RELCH: variants seen among roughly 807,000 people sequenced by gnomAD.
RELCH encodes RAB11-binding protein RELCH.
A neutral mutation model predicts 150.3 loss-of-function variants in RELCH; 41 were observed. That is an observed-to-expected ratio of 0.27 (90% CI 0.21 to 0.35). The LOEUF (loss-of-function observed/expected upper bound fraction) is 0.35. Ranked by LOEUF, RELCH falls within the 10% of genes least tolerant of loss-of-function variation. The pLI, the probability that RELCH is intolerant of heterozygous loss-of-function variation, is 1.00. For synonymous variants in RELCH, 478 were observed against 531.8 expected, an observed-to-expected ratio of 0.90 and a Z score of 1.39; for missense variants, 1,092 against 1,467.8, an observed-to-expected ratio of 0.74 and a Z score of 4.18.
At chr18:62,204,696 A>G (rs2039672772) in intron 1 of RELCH, among the ~76,000 whole-genome samples, 1 of 152,182 alleles carries the variant, frequency 6.6e-6, no homozygotes, top group African/African-American at 2.4e-5. Flanking sequence ...GGTTTATTCC[A>G]GTTTAGCATT....
intron 10 of RELCH, among the ~76,000 whole-genome samples, chr18:62,233,274 G>T (rs937148635): frequency 6.6e-6 from 1 of 151,584 alleles, no homozygotes; most frequent in Non-Finnish European, 1.5e-5. Context: ...ATTTTATAAA[G>T]AATAAATGAA....
chr18:62,234,108 C>T (rs1006947120), intron 10 of RELCH, among the ~76,000 whole-genome samples: 1 of 151,774 alleles, frequency 6.6e-6, no homozygotes, highest in Non-Finnish European at 1.5e-5. Flanking sequence ...TGTATTTCCT[C>T]AAAATTAAAT....
At chr18:62,236,204 G>A (rs2041871239) in intron 10 of RELCH, among the ~76,000 whole-genome samples, 1 of 151,934 alleles carries the variant, frequency 6.6e-6, no homozygotes, top group Non-Finnish European at 1.5e-5. Context: ...CATCTGTTGA[G>A]ATGATAATGC....
At chr18:62,268,084 G>A (rs1373244426) in intron 19 of RELCH, among the ~76,000 whole-genome samples, 1 of 151,874 alleles carries the variant, frequency 6.6e-6, no homozygotes, top group African/African-American at 2.4e-5. Context: ...AGTACCCTCA[G>A]AAAATAATTT....
chr18:62,227,268 TG>T lies in RELCH; in HGVS notation c.859-20del, dbSNP rs1241980805. ...ATAAAATTTCCTCGAAGATTTTTTA[TG>T]TTTTTTTTTTATCTTTTAGGATTTT... On this transcript the variant is annotated intron_variant, in intron 5 of 28. Transcript: ENST00000644646. The T allele has an allele frequency of 4.2e-6, 6 of 1,438,656 alleles. No homozygotes were observed. Among genetic ancestry groups the T allele is most frequent in the South Asian group, 2.5e-5 (2 of 80,372 alleles). 89.1% of individuals were successfully genotyped at this position (1,438,656 alleles called of 1,614,324 possible).
At chr18:62,279,723 T>C in intron 22 of RELCH, 51 bp from the exon 23 acceptor site, 1 of 1,246,626 alleles carries the variant, frequency 8.0e-7, no homozygotes. Flanking sequence ...GCGCACTGTG[T>C]TTGCTCTTTC....
At chr18:62,271,991 A>G (rs1041115704) in intron 20 of RELCH, among the ~76,000 whole-genome samples, 4 of 152,136 alleles carry the variant, frequency 2.6e-5, no homozygotes, top group African/African-American at 9.7e-5. Flanking sequence ...TTCAAGACAA[A>G]TTTGAATCAT....
In RELCH at chr18:62,309,252, A is replaced by G. The variant is rs1461834954; in HGVS notation, c.*3718A>G. ...TACATCTCAAAAAAAAAAAATAATA[A>G]TAGAGACAAACTACTAATCAAAAAT... On this transcript the variant is annotated 3_prime_UTR_variant, in exon 29 of 29. Coordinates refer to ENST00000644646, the MANE Select transcript of RELCH (RefSeq NM_001346231.2). 1.4e-5 allele frequency: 2 copies of G among 141,332 alleles called. No individual in the cohort carries two copies. Among genetic ancestry groups the G allele is most frequent in the African/African-American group, 2.5e-5 (1 of 39,958 alleles). 8.8% of individuals were successfully genotyped at this position (141,332 alleles called of 1,614,324 possible).
At chr18:62,266,667 G>A in intron 18 of RELCH, 34 bp from the exon 19 acceptor site, 1 of 1,490,114 alleles carries the variant, frequency 6.7e-7, no homozygotes, top group Non-Finnish European at 9.3e-7. Flanking sequence ...CATTGAACCT[G>A]AGACTTTTTG....
In RELCH at chr18:62,220,751, G is replaced by A. The variant is rs114473409; in HGVS notation, c.617-286G>A. The A allele has an allele frequency of 1.6e-3, 602 of 381,936 alleles. 4 individuals are homozygous for A. Among genetic ancestry groups the A allele is most frequent in the African/African-American group, 0.013 (583 of 46,440 alleles). 23.7% of individuals were successfully genotyped at this position (381,936 alleles called of 1,614,324 possible). On this transcript the variant is annotated intron_variant, in intron 2 of 28. Coordinates refer to ENST00000644646, the MANE Select transcript of RELCH (RefSeq NM_001346231.2). ...AATATTTTTATTTATCTAAATGAGAGTATGCCATAGATTTTATTTTTAAAT... is the reference window on the plus strand; with the variant it reads ...AATATTTTTATTTATCTAAATGAGAATATGCCATAGATTTTATTTTTAAAT...
At chr18:62,281,401 A>T (rs2044508329) in intron 24 of RELCH, among the ~76,000 whole-genome samples, 1 of 152,234 alleles carries the variant, frequency 6.6e-6, no homozygotes, top group African/African-American at 2.4e-5. Flanking sequence ...TGTAAAAGTG[A>T]TTTAGTAGAC....
Position 62,261,553 on chromosome 18 carries a change from C to G in RELCH, c.2245C>G (p.Leu749Val). 1.2e-6 allele frequency: 2 copies of G among 1,612,114 alleles called. No individual in the cohort carries two copies. The highest frequency in any genetic ancestry group is 1.7e-6 in the Non-Finnish European group (2 of 1,178,802). Reference protein sequence around the residue: ...GLDEHKLHMYLSALQSLIPSL... With the variant: ...GLDEHKLHMYVSALQSLIPSL... The stretch of plus-strand genomic sequence containing the variant: ...GGATGAACACAAACTCCACATGTAT[C>G]TTTCTGCCTTGCAGTCCTTGATCCC... The change falls in exon 16 of 29, where the codon CTT (leucine) becomes GTT (valine). Residue 749 changes from leucine to valine, a missense_variant. By Grantham distance (32) the Leu-to-Val change is conservative. Transcript: ENST00000644646.
At chr18:62,217,331 TGTA>T (rs1314935779) in intron 2 of RELCH, among the ~76,000 whole-genome samples, 42 of 152,122 alleles carry the variant, frequency 2.8e-4, no homozygotes, top group Admixed American at 2.8e-3. Context: ...TTTAGGTTAT[TGTA>T]GTAATTTATA....
At chr18:62,226,357 G>A (rs978868848) in intron 5 of RELCH, among the ~76,000 whole-genome samples, 13 of 151,990 alleles carry the variant, frequency 8.6e-5, no homozygotes, top group African/African-American at 3.1e-4. Flanking sequence ...TGTTGAACAC[G>A]TTTTAATACA....
intron 9 of RELCH, 39 bp from the exon 10 acceptor site, chr18:62,232,293 T>C: frequency 7.7e-7 from 1 of 1,305,916 alleles, no homozygotes; most frequent in Non-Finnish European, 1.1e-6. Flanking sequence ...GCACAGAAGT[T>C]CTCCACTATC....
intron 19 of RELCH, 111 bp downstream of exon 19, chr18:62,266,860 A>G: frequency 1.6e-6 from 1 of 637,906 alleles, no homozygotes; most frequent in Non-Finnish European, 2.7e-6. Flanking sequence ...CTACAATTGA[A>G]AAGGAAAACT....
intron 17 of RELCH, 93 bp downstream of exon 17, chr18:62,264,238 G>A: frequency 2.0e-6 from 2 of 1,013,034 alleles, no homozygotes; most frequent in Non-Finnish European, 2.9e-6. Context: ...CTTTTAAAAT[G>A]TAACTCGGCA....
Position 62,309,218 on chromosome 18 carries a change from G to C in RELCH, c.*3684G>C, listed in dbSNP as rs1250178637. The stretch of plus-strand genomic sequence containing the variant: ...TGCCACTGCACTCTAGCCTGGGCGA[G>C]AGTGAGACTACATCTCAAAAAAAAA... On this transcript the variant is annotated 3_prime_UTR_variant, in exon 29 of 29. Coordinates refer to ENST00000644646, the MANE Select transcript of RELCH (RefSeq NM_001346231.2). 1 of 140,712 alleles carries C rather than the reference G, an allele frequency of 7.1e-6. No homozygotes were observed. The highest frequency in any genetic ancestry group is 7.4e-5 in the Admixed American group (1 of 13,574). 8.7% of individuals were successfully genotyped at this position (140,712 alleles called of 1,614,324 possible).
At chr18:62,279,180 C>T (rs2044371629) in intron 22 of RELCH, among the ~76,000 whole-genome samples, 1 of 152,146 alleles carries the variant, frequency 6.6e-6, no homozygotes, top group Admixed American at 6.6e-5. Context: ...GACGTCTGAA[C>T]CCAGATCTGA....
Sources: gnomAD v4.1 joint callset for allele counts (sites outside exome capture counted in the v4.1 genomes callset) on GRCh38, gnomAD v4.1.1 for gene constraint, MANE v1.5 for transcripts, NCBI Gene and HGNC (gene_info 2026-07-23, HGNC 2026-07-21) for gene names.